Variants in ELMO2 observed in about 807,000 individuals in gnomAD.
ELMO2 encodes the protein engulfment and cell motility 2.
A neutral mutation model predicts 96.2 loss-of-function variants in ELMO2; 37 were observed. The ratio of observed to expected loss-of-function variants is 0.38; its 90% CI spans 0.30 to 0.51. The LOEUF is 0.51. Among genes scored for constraint, ELMO2 ranks in the 20% least tolerant of loss-of-function variants. The probability of loss-of-function intolerance (pLI) is 0.88; values close to 1 mark genes in which losing one functional copy is unlikely to be tolerated. For synonymous variants in ELMO2, 315 were observed against 329.4 expected, an observed-to-expected ratio of 0.96 and a Z score of 0.47; for missense variants, 561 against 912.6, an observed-to-expected ratio of 0.61 and a Z score of 4.96.
intron 1 of ELMO2, among the ~76,000 whole-genome samples, chr20:46,404,196 T>C (rs1454293654): frequency 6.6e-6 from 1 of 152,166 alleles, no homozygotes; most frequent in Non-Finnish European, 1.5e-5. Context: ...CCAGACTTAG[T>C]CCAGGCTGGG....
chr20:46,385,668 T>G (rs2060028481), intron 9 of ELMO2, among the ~76,000 whole-genome samples: 1 of 152,220 alleles, frequency 6.6e-6, no homozygotes, highest in South Asian at 2.1e-4. Flanking sequence ...TCAGTGAGCA[T>G]TCATTCAACA....
In ELMO2 at chr20:46,386,353, T is replaced by C. The variant is rs2060043884; in HGVS notation, c.526-78A>G. 10 of 1,561,428 alleles carry C rather than the reference T, an allele frequency of 6.4e-6. No individual in the cohort carries two copies. The East Asian group carries it at 6.8e-5, about 11-fold the overall frequency. On this transcript the variant is annotated intron_variant, in intron 8 of 21. Transcript: ENST00000290246. ...GAAGCTTAGCATCTGATGCTAGCCC[T>C]TGAAGCTCTCTCTGCTTCACATTTG...
intron 13 of ELMO2, among the ~76,000 whole-genome samples, chr20:46,374,935 T>C (rs367870287): frequency 6.6e-6 from 1 of 152,200 alleles, no homozygotes; most frequent in African/African-American, 2.4e-5. Flanking sequence ...TCACAAAATA[T>C]TCACACTAGC....
chr20:46,376,056 C>G (rs2059854388), intron 11 of ELMO2, among the ~76,000 whole-genome samples: 1 of 152,198 alleles, frequency 6.6e-6, no homozygotes, highest in South Asian at 2.1e-4. Context: ...CTATACCCAA[C>G]CACACCAGAA....
intron 10 of ELMO2, among the ~76,000 whole-genome samples, chr20:46,381,587 C>T (rs1210922518): frequency 6.6e-6 from 1 of 152,056 alleles, no homozygotes; most frequent in Non-Finnish European, 1.5e-5. Flanking sequence ...TATAGGAGGT[C>T]GACTGAGATT....
rs1284910554 is a variant in ELMO2, at chr20:46,393,544, C to A, written c.177G>T (p.Leu59=). 6.2e-7 allele frequency: 1 copy of A among 1,614,188 alleles called. No individual in the cohort carries two copies. Residue 59 remains leucine, a synonymous_variant, in exon 5 of 22, where the codon CTG becomes CTT. Coordinates refer to ENST00000290246, the MANE Select transcript of ELMO2 (RefSeq NM_133171.5). ...YTLRYADGPQ[L]YITEQTRSDI... is the part of the protein sequence containing the mutation. ...CTGTACTAACCTGTTCGGTGATGTACAGCTGAGGACCATCTGCATAACGGA... is the reference window on the plus strand; with the variant it reads ...CTGTACTAACCTGTTCGGTGATGTAAAGCTGAGGACCATCTGCATAACGGA...
At chr20:46,397,118 C>G (rs770306553) in intron 2 of ELMO2, among the ~76,000 whole-genome samples, 32 of 152,202 alleles carry the variant, frequency 2.1e-4, no homozygotes, top group Non-Finnish European at 3.7e-4. Context: ...GATTGACTCT[C>G]TCTTTATTAA....
At position 46,398,777 on chromosome 20, in the gene ELMO2, AGAAG is replaced by A. The variant is rs2060288885; in HGVS notation, c.-125-10_-125-7del. 1 of 152,170 alleles carries A rather than the reference AGAAG, an allele frequency of 6.6e-6. No individual in the cohort carries two copies. The highest frequency in any genetic ancestry group is 6.5e-5 in the Admixed American group (1 of 15,280). 9.4% of individuals were successfully genotyped at this position (152,170 alleles called of 1,614,324 possible). A position where few individuals can be genotyped will look rare whatever the true frequency, so the allele number is the denominator to read the frequency against. ...CCTCTTTCTACACCTCCCTCCTAAA[AGAAG>A]GAAGGAAAGAAAAAAAATGAAGGGA... On this transcript the variant is annotated splice_polypyrimidine_tract_variant and splice_region_variant and intron_variant, in intron 1 of 21. Coordinates refer to ENST00000290246, the MANE Select transcript of ELMO2 (RefSeq NM_133171.5).
chr20:46,380,433 A>G, intron 10 of ELMO2, 130 bp from the exon 11 acceptor site: 2 of 732,998 alleles, frequency 2.7e-6, no homozygotes, highest in Middle Eastern at 2.9e-4. Context: ...CCAAATGAAA[A>G]GTGGGTGAAT....
At chr20:46,377,681 A>G in intron 11 of ELMO2, among the ~76,000 whole-genome samples, 1 of 152,302 alleles carries the variant, frequency 6.6e-6, no homozygotes, top group South Asian at 2.1e-4. Flanking sequence ...CTCTGCCTGC[A>G]TCCCTCCCTC....
In ELMO2 at chr20:46,383,412, A is replaced by C; in HGVS notation, c.756+4T>G. On this transcript the variant is annotated splice_donor_region_variant and intron_variant, in intron 10 of 21. Coordinates refer to ENST00000290246, the MANE Select transcript of ELMO2 (RefSeq NM_133171.5). Reference sequence around the variant, plus strand: ...ATGAAAAATGTGAAAAGGCAGCCACAGACCTGTCGTTTGTCCTCAGGAGCC... The same window carrying C: ...ATGAAAAATGTGAAAAGGCAGCCACCGACCTGTCGTTTGTCCTCAGGAGCC... 1.2e-6 allele frequency: 2 copies of C among 1,613,958 alleles called. No homozygotes were observed. The highest frequency in any genetic ancestry group is 8.5e-7 in the Non-Finnish European group (1 of 1,179,788).
At chr20:46,403,805 C>T (rs887066748) in intron 1 of ELMO2, among the ~76,000 whole-genome samples, 13 of 152,190 alleles carry the variant, frequency 8.5e-5, no homozygotes, top group Non-Finnish European at 1.5e-5. Flanking sequence ...GGCTGTAGGC[C>T]GGGCGCCGTG....
At chr20:46,399,076 G>A (rs572380024) in intron 1 of ELMO2, among the ~76,000 whole-genome samples, 2 of 152,320 alleles carry the variant, frequency 1.3e-5, no homozygotes, top group African/African-American at 2.4e-5. Context: ...AGAAGGCTCA[G>A]TGTCACATAG....
chr20:46,371,954 G>C lies in ELMO2; in HGVS notation c.1432C>G (p.Arg478Gly). Residue 478 changes from arginine to glycine, a missense_variant, in exon 17 of 22, where the codon CGA (arginine) becomes GGA (glycine). By Grantham distance (125) the Arg-to-Gly change is moderately radical. Coordinates refer to ENST00000290246, the MANE Select transcript of ELMO2 (RefSeq NM_133171.5). The surrounding 1 kb of genome is among the most constrained non-coding windows in gnomAD (Gnocchi z 5.9). ...GGCAAAGCTCGAGTGATTTGCTCTC[G>C]GACGACTTGCATAACCTAAGAGGAG... ...EDFNKVMQVV[R>G]EQITRALPSK... The C allele has an allele frequency of 6.2e-7, 1 of 1,613,904 alleles. No individual in the cohort carries two copies. The highest frequency in any genetic ancestry group is 8.5e-7 in the Non-Finnish European group (1 of 1,180,026).
chr20:46,402,994 T>C (rs1005493720), intron 1 of ELMO2, among the ~76,000 whole-genome samples: 1 of 152,218 alleles, frequency 6.6e-6, no homozygotes, highest in African/African-American at 2.4e-5. Context: ...GCACTAACGA[T>C]TTTCTTACCT....
chr20:46,374,187 C>A, intron 15 of ELMO2, 145 bp downstream of exon 15: 1 of 575,618 alleles, frequency 1.7e-6, no homozygotes, highest in Non-Finnish European at 3.1e-6. Context: ...AGTGATCCTC[C>A]TGCCTCAGTC....
At chr20:46,383,806 T>C (rs1392628843) in intron 9 of ELMO2, among the ~76,000 whole-genome samples, 1 of 152,160 alleles carries the variant, frequency 6.6e-6, no homozygotes, top group Admixed American at 6.5e-5. Context: ...GAATCTTAAG[T>C]AGTTATTAAA....
intron 1 of ELMO2, among the ~76,000 whole-genome samples, chr20:46,400,507 A>G (rs1178904064): frequency 6.6e-6 from 1 of 152,262 alleles, no homozygotes; most frequent in Non-Finnish European, 1.5e-5. Flanking sequence ...CTGTAGCTCA[A>G]TTGCAAACCA....
chr20:46,375,256 A>G lies in ELMO2; in HGVS notation c.1045T>C (p.Tyr349His). Residue 349 changes from tyrosine (Y) to histidine (H), a missense_variant, in exon 13 of 22, where the codon TAC (tyrosine) becomes CAC (histidine). Physicochemically the swap from Tyr to His is moderately conservative, Grantham distance 83. Transcript: ENST00000290246. This position sits in a 1 kb window ranked among gnomAD's most constrained non-coding sequence, Gnocchi z 4.6. ...CTTACGGTAAATCCCAGCATTTTGT[A>G]GTCCTTTGTGTACATGGCTTTGCGT... ...EKRKAMYTKD[Y>H]KMLGFTNHIN... 6.2e-7 allele frequency: 1 copy of G among 1,614,104 alleles called. No homozygotes were observed.
Sources: gnomAD v4.1 joint callset for allele counts (sites outside exome capture counted in the v4.1 genomes callset) on GRCh38, gnomAD v4.1.1 for gene constraint, Gnocchi (gnomAD v3.1) non-coding constraint, MANE v1.5 for transcripts, NCBI Gene and HGNC (gene_info 2026-07-23, HGNC 2026-07-21) for gene names.